ROCK1: variants seen among roughly 807,000 people sequenced by gnomAD.
ROCK1 encodes Rho associated coiled-coil containing protein kinase 1, also known as rho-associated protein kinase 1.
A neutral mutation model predicts 196.8 loss-of-function variants in ROCK1; 36 were observed. That is an observed-to-expected ratio of 0.18 (90% CI 0.14 to 0.24). The LOEUF (loss-of-function observed/expected upper bound fraction) is 0.24, where lower values mean the gene tolerates loss of function less well. ROCK1 is among the 10% of genes least tolerant of loss of function. The pLI is 1.00. For synonymous variants in ROCK1, 443 were observed against 515.9 expected (o/e 0.86, Z 1.91); for missense variants, 920 against 1,562.0 (o/e 0.59, Z 6.93).
At chr18:21,104,107 TA>T (rs1476481489) in intron 1 of ROCK1, among the ~76,000 whole-genome samples, 1 of 152,210 alleles carries the variant, frequency 6.6e-6, no homozygotes, top group Non-Finnish European at 1.5e-5. Context: ...TAGAACTCTA[TA>T]TATAATATTT....
chr18:20,997,191 C>CA (rs1156526579), intron 16 of ROCK1, among the ~76,000 whole-genome samples: 8 of 151,552 alleles, frequency 5.3e-5, no homozygotes, highest in Admixed American at 1.3e-4. Flanking sequence ...AATAAAAAAA[C>CA]AAAAAAACAG....
At chr18:21,049,512 T>C (rs1406792755) in intron 3 of ROCK1, among the ~76,000 whole-genome samples, 1 of 152,262 alleles carries the variant, frequency 6.6e-6, no homozygotes, top group Non-Finnish European at 1.5e-5. Context: ...TAAAGCTTAC[T>C]GTTCTACAGC....
chr18:21,105,976 T>C (rs541460005), intron 1 of ROCK1, among the ~76,000 whole-genome samples: 1 of 152,202 alleles, frequency 6.6e-6, no homozygotes, highest in Admixed American at 6.5e-5. Flanking sequence ...GGAAGATAAT[T>C]TAAAGGAAGA....
At chr18:21,106,061 T>C (rs1471137118) in intron 1 of ROCK1, among the ~76,000 whole-genome samples, 2 of 152,108 alleles carry the variant, frequency 1.3e-5, no homozygotes, top group African/African-American at 2.4e-5. Flanking sequence ...TAATAAGAAA[T>C]AGTAGTGACA....
At chr18:21,094,856 G>A (rs2036599592) in intron 1 of ROCK1, among the ~76,000 whole-genome samples, 1 of 151,944 alleles carries the variant, frequency 6.6e-6, no homozygotes, top group Admixed American at 6.5e-5. Flanking sequence ...AGACCAGCCT[G>A]ACCAACATGA....
intron 16 of ROCK1, among the ~76,000 whole-genome samples, chr18:20,997,375 ACAAAAACTATAAAAAG>A (rs2035681071): frequency 6.6e-6 from 1 of 152,360 alleles, no homozygotes; most frequent in South Asian, 2.1e-4. Context: ...AGATTTCAAG[ACAAAAACTATAAAAAG>A]GCACAGAAAA....
At chr18:20,997,368 T>A (rs2035681015) in intron 16 of ROCK1, among the ~76,000 whole-genome samples, 2 of 152,078 alleles carry the variant, frequency 1.3e-5, no homozygotes, top group Admixed American at 1.3e-4. Flanking sequence ...ACAAAATAGA[T>A]TTCAAGACAA....
At chr18:20,994,887 C>T (rs1379178228) in intron 16 of ROCK1, among the ~76,000 whole-genome samples, 2 of 152,112 alleles carry the variant, frequency 1.3e-5, no homozygotes, top group African/African-American at 4.8e-5. Flanking sequence ...AGGGCCCAAA[C>T]ACTAGGTATC....
chr18:21,044,513 T>C (rs2036138201), intron 5 of ROCK1, among the ~76,000 whole-genome samples: 2 of 151,938 alleles, frequency 1.3e-5, no homozygotes, highest in African/African-American at 4.8e-5. Flanking sequence ...GGTAAGTACA[T>C]AAAAAAACCC....
At chr18:21,106,852 T>C (rs1331826028) in intron 1 of ROCK1, among the ~76,000 whole-genome samples, 1 of 152,216 alleles carries the variant, frequency 6.6e-6, no homozygotes, top group Non-Finnish European at 1.5e-5. Context: ...TTACAGGTGT[T>C]CGAGAAAAGA....
In ROCK1 at chr18:20,981,060, G is replaced by A. The variant is rs570315044; in HGVS notation, c.2560-1056C>T. Among the ~76,000 whole-genome samples the A allele has an allele frequency of 6.6e-5, 10 of 152,086 alleles. No individual in the cohort carries two copies. In the South Asian group the frequency reaches 1.9e-3, roughly 28 times the overall value. On this transcript the variant is annotated intron_variant, in intron 21 of 32. Transcript: ENST00000399799. ...GTTAGAAAAATCACTTCTGTTTTGAGGGGTGGGATGTACTGGGTAGTTGAG... is the reference window on the plus strand; with the variant it reads ...GTTAGAAAAATCACTTCTGTTTTGAAGGGTGGGATGTACTGGGTAGTTGAG...
chr18:20,987,488 C>T (rs1169166411), intron 18 of ROCK1, among the ~76,000 whole-genome samples: 1 of 152,090 alleles, frequency 6.6e-6, no homozygotes, highest in South Asian at 2.1e-4. Context: ...TTAATTTATA[C>T]CCTGCATTGT....
Position 21,110,995 on chromosome 18 carries a change from G to T in ROCK1, c.-85C>A. On this transcript the variant is annotated 5_prime_UTR_variant, in exon 1 of 33. It adds an upstream start codon to the 5' untranslated region. Coordinates refer to ENST00000399799, the MANE Select transcript of ROCK1 (RefSeq NM_005406.3). ...CAACTTCCTCCGCGGTGGGTTCGCA[G>T]CCGCGGGGCGGAGGAGCCGGAACCT... is the stretch of plus-strand genomic sequence containing the variant. The T allele has an allele frequency of 2.6e-6, 3 of 1,153,662 alleles. No individual in the cohort carries two copies. The highest frequency in any genetic ancestry group is 2.5e-5 in the South Asian group (2 of 78,860). 71.5% of individuals were successfully genotyped at this position (1,153,662 alleles called of 1,614,324 possible).
chr18:21,079,398 A>T (rs1024828430), intron 1 of ROCK1, among the ~76,000 whole-genome samples: 6 of 152,190 alleles, frequency 3.9e-5, no homozygotes, highest in Admixed American at 1.3e-4. Flanking sequence ...CCTCCACGTG[A>T]GATCAAACAC....
chr18:21,017,186 C>CTTTTTTTTT (rs774542704), intron 12 of ROCK1, among the ~76,000 whole-genome samples: 1 of 99,090 alleles, frequency 1.0e-5, no homozygotes, highest in African/African-American at 4.3e-5. Flanking sequence ...TACCACACTT[C>CTTTTTTTTT]TTTTTTTTTT....
At chr18:21,100,988 G>T (rs765953571) in intron 1 of ROCK1, among the ~76,000 whole-genome samples, 1 of 152,116 alleles carries the variant, frequency 6.6e-6, no homozygotes, top group Non-Finnish European at 1.5e-5. Context: ...TTTGTAAACA[G>T]TCCTTTACTT....
intron 9 of ROCK1, among the ~76,000 whole-genome samples, chr18:21,038,339 C>CA (rs2036075225): frequency 6.6e-6 from 1 of 152,122 alleles, no homozygotes. Context: ...TACAGCTTCT[C>CA]AGACAGCTGG....
At chr18:21,018,966 A>G (rs955539327) in intron 12 of ROCK1, among the ~76,000 whole-genome samples, 1 of 152,218 alleles carries the variant, frequency 6.6e-6, no homozygotes, top group African/African-American at 2.4e-5. Flanking sequence ...TAACTCAAAG[A>G]TATTTTTTCT....
chr18:21,076,696 C>G (rs963654505), intron 1 of ROCK1, among the ~76,000 whole-genome samples: 1 of 150,984 alleles, frequency 6.6e-6, no homozygotes, highest in Non-Finnish European at 1.5e-5. Flanking sequence ...CACACACACA[C>G]ACACACACAG....
Sources: gnomAD v4.1 joint callset for allele counts (sites outside exome capture counted in the v4.1 genomes callset) on GRCh38, gnomAD v4.1.1 for gene constraint, MANE v1.5 for transcripts, NCBI Gene and HGNC (gene_info 2026-07-23, HGNC 2026-07-21) for gene names.